Variants in MYH14 observed in about 807,000 individuals in gnomAD.
MYH14 encodes myosin-14.
A neutral mutation model predicts 255.5 loss-of-function variants in MYH14; 123 were observed. That is an observed-to-expected ratio of 0.48 (90% CI 0.42 to 0.56). The LOEUF (loss-of-function observed/expected upper bound fraction) is 0.56. MYH14 is among the 20% of genes least tolerant of loss of function. The probability of loss-of-function intolerance (pLI) is 0.00; values close to 1 mark genes in which losing one functional copy is unlikely to be tolerated. For missense variants in MYH14, 2,423 were observed against 2,802.3 expected, an observed-to-expected ratio of 0.86 and a Z score of 3.06; for synonymous variants, 1,095 against 1,161.2, an observed-to-expected ratio of 0.94 and a Z score of 1.16.
intron 12 of MYH14, 137 bp from the exon 13 acceptor site, chr19:50,248,850 T>C: frequency 1.3e-6 from 1 of 765,380 alleles, no homozygotes; most frequent in Non-Finnish European, 2.1e-6. Flanking sequence ...GGCATTGTTC[T>C]TGATGGTACT....
chr19:50,270,445 C>T (rs889608025), intron 24 of MYH14, among the ~76,000 whole-genome samples: 5 of 148,272 alleles, frequency 3.4e-5, no homozygotes, highest in African/African-American at 1.0e-4. Flanking sequence ...ACTTGAACCC[C>T]GGGAGGTGGA....
chr19:50,290,998 T>C lies in MYH14; in HGVS notation c.5077T>C (p.Ser1693Pro). ...ELEELKAQMA[S>P]AGQGKEEAVK... ...GGAGGAGCTGAAGGCTCAGATGGCC[T>C]CTGCCGGCCAGGGCAAGGAGGAGGC... Residue 1693 changes from serine to proline, a missense_variant, in exon 36 of 43, where the codon TCT becomes CCT. This residue lies in a region of MYH14 where 1,513 missense variants were observed against 1,674.8 expected (regional missense o/e 0.90). Coordinates refer to ENST00000642316, the MANE Select transcript of MYH14 (RefSeq NM_001145809.2). 1 of 1,612,020 alleles carries C rather than the reference T, an allele frequency of 6.2e-7. No individual in the cohort carries two copies. Among genetic ancestry groups the C allele is most frequent in the Non-Finnish European group, 8.5e-7 (1 of 1,179,400 alleles).
chr19:50,271,459 G>A lies in MYH14; in HGVS notation c.3084G>A (p.Gln1028=). Residue 1028 remains glutamine, a synonymous_variant, in exon 25 of 43, where the codon CAG becomes CAA. Coordinates refer to ENST00000642316, the MANE Select transcript of MYH14 (RefSeq NM_001145809.2). ...EAEEGARQKL[Q]LEKVTTEAKM... ...AGGAGGGTGCGCGGCAGAAGCTGCA[G>A]CTGGAGAAGGTGACGACAGAGGCAA... 6.2e-7 allele frequency: 1 copy of A among 1,608,164 alleles called. No individual in the cohort carries two copies. Among genetic ancestry groups the A allele is most frequent in the Non-Finnish European group, 8.5e-7 (1 of 1,177,452 alleles).
At chr19:50,220,218 C>T (rs1047490522) in intron 3 of MYH14, among the ~76,000 whole-genome samples, 3 of 151,668 alleles carry the variant, frequency 2.0e-5, no homozygotes, top group Non-Finnish European at 2.9e-5. Context: ...ACCTCAGGGC[C>T]TGAATATGAA....
At chr19:50,269,172 G>T (rs965660048) in intron 24 of MYH14, among the ~76,000 whole-genome samples, 1 of 152,056 alleles carries the variant, frequency 6.6e-6, no homozygotes, top group African/African-American at 2.4e-5. Flanking sequence ...GCTCAGTAAT[G>T]TTTTTTTGTT....
rs2034623177 is a variant in MYH14 at position 50,257,234 on chromosome 19, T to C, written c.2045-65T>C. ...TGATAAATGATAAGACCCTTGACCT[T>C]TGGCCCAGGTCCCTAAAACTGACCC... On this transcript the variant is annotated intron_variant, in intron 17 of 42. Coordinates refer to ENST00000642316, the MANE Select transcript of MYH14 (RefSeq NM_001145809.2). The C allele has an allele frequency of 5.1e-6, 7 of 1,381,476 alleles. No homozygotes were observed. The African/African-American group carries it at 7.1e-5, about 14-fold the overall frequency. 85.6% of individuals were successfully genotyped at this position (1,381,476 alleles called of 1,614,324 possible). A position where few individuals can be genotyped will look rare whatever the true frequency, so the allele number is the denominator to read the frequency against.
intron 10 of MYH14, among the ~76,000 whole-genome samples, chr19:50,237,715 G>A (rs1488778772): frequency 6.6e-6 from 1 of 152,220 alleles, no homozygotes; most frequent in East Asian, 1.9e-4. Flanking sequence ...TATACCTGGA[G>A]CACCTGTGTC....
chr19:50,298,423 C>T (rs1326626947), intron 39 of MYH14, among the ~76,000 whole-genome samples: 1 of 152,066 alleles, frequency 6.6e-6, no homozygotes, highest in Non-Finnish European at 1.5e-5. Flanking sequence ...CACATGCACA[C>T]ATGAAGTATA....
At chr19:50,272,026 A>G in intron 26 of MYH14, 54 bp downstream of exon 26, 1 of 1,581,552 alleles carries the variant, frequency 6.3e-7, no homozygotes, top group South Asian at 1.2e-5. Flanking sequence ...GGGGGACCTC[A>G]GGCAAGCCCC....
At chr19:50,253,569 C>T (rs909942209) in intron 16 of MYH14, among the ~76,000 whole-genome samples, 1 of 152,110 alleles carries the variant, frequency 6.6e-6, no homozygotes, top group African/African-American at 2.4e-5. Context: ...GTTCCCTTCA[C>T]GCCCCCAGGG....
rs528151716 is a variant in MYH14, at chr19:50,221,422, G to A, written c.563-1661G>A. 4.6e-5 allele frequency among the ~76,000 whole-genome samples: 7 copies of A among 152,114 alleles called. 1 individual carries two copies. Among genetic ancestry groups the A allele is most frequent in the African/African-American group, 1.7e-4 (7 of 41,492 alleles). On this transcript the variant is annotated intron_variant, in intron 3 of 42. Coordinates refer to ENST00000642316, the MANE Select transcript of MYH14 (RefSeq NM_001145809.2). This position sits in a 1 kb window ranked among gnomAD's most constrained non-coding sequence, Gnocchi z 5.3. ...CTCCCTGGCTTGAAGACACCCAGAG[G>A]ATGCCTGTCCTGCTTAAAAAAACAT...
chr19:50,276,193 C>A lies in MYH14; in HGVS notation c.3670C>A (p.Gln1224Lys). The A allele has an allele frequency of 6.5e-7, 1 of 1,542,748 alleles. No homozygotes were observed. Among genetic ancestry groups the A allele is most frequent in the Non-Finnish European group, 8.7e-7 (1 of 1,143,552 alleles). The change falls in exon 28 of 43, where the codon CAG (glutamine) becomes AAG (lysine). Residue 1224 changes from glutamine (Q) to lysine (K), a missense_variant. Physicochemically the swap from Gln to Lys is moderately conservative, Grantham distance 53. Coordinates refer to ENST00000642316, the MANE Select transcript of MYH14 (RefSeq NM_001145809.2). This position sits in a 1 kb window ranked among gnomAD's most constrained non-coding sequence, Gnocchi z 4.3. The part of the protein sequence containing the change: ...EDTLDSTNAQ[Q>K]ELRSKREQEV... ...CACGCTGGACTCCACCAACGCACAG[C>A]AGGAGCTCCGGTGAGGCCCGGTGGC...
intron 1 of MYH14, 82 bp from the exon 2 acceptor site, chr19:50,210,281 G>A (rs945994463): frequency 5.3e-6 from 7 of 1,326,380 alleles, no homozygotes; most frequent in Non-Finnish European, 7.1e-6. Context: ...AGAGGTGGCT[G>A]CCTGGGGAAT....
intron 41 of MYH14, chr19:50,308,193 G>C (rs1293719003): frequency 6.6e-6 from 1 of 152,210 alleles, no homozygotes; most frequent in Non-Finnish European, 1.5e-5. Context: ...CAGTCAGAGG[G>C]AACAGCAAGT....
chr19:50,304,755 A>G (rs568372022), intron 40 of MYH14, among the ~76,000 whole-genome samples: 3 of 152,322 alleles, frequency 2.0e-5, no homozygotes, highest in South Asian at 4.1e-4. Flanking sequence ...ATGAAGGCCT[A>G]TGAACTAGAA....
chr19:50,230,436 G>A lies in MYH14; in HGVS notation c.875-89G>A. On this transcript the variant is annotated intron_variant, in intron 8 of 42. Coordinates refer to ENST00000642316, the MANE Select transcript of MYH14 (RefSeq NM_001145809.2). This position sits in a 1 kb window ranked among gnomAD's most constrained non-coding sequence, Gnocchi z 4.7. ...CTCCACTACACCACAGGAGAGAAGG[G>A]GGCAGCGTGGGCAGGGCAGGCTCCT... 1 of 1,144,550 alleles carries A rather than the reference G, an allele frequency of 8.7e-7. No homozygotes were observed. The highest frequency in any genetic ancestry group is 2.8e-4 in the Middle Eastern group (1 of 3,632). The allele number at this position is 1,144,550 out of a possible 1,614,324, so 70.9% of individuals were successfully genotyped here.
intron 2 of MYH14, among the ~76,000 whole-genome samples, chr19:50,212,195 C>T (rs932646619): frequency 1.5e-4 from 23 of 152,106 alleles, no homozygotes; most frequent in Middle Eastern, 3.2e-3. Flanking sequence ...ATACCAGTGA[C>T]GGAGCCCCAC....
intron 34 of MYH14, 88 bp downstream of exon 34, chr19:50,286,782 C>T (rs2035906777): frequency 4.7e-6 from 6 of 1,270,636 alleles, no homozygotes; most frequent in Non-Finnish European, 6.6e-6. Flanking sequence ...ACATGAAAAA[C>T]AACCAGCCAT....
intron 22 of MYH14, among the ~76,000 whole-genome samples, chr19:50,265,684 G>C (rs1470152158): frequency 2.0e-5 from 3 of 151,828 alleles, no homozygotes; most frequent in African/African-American, 7.3e-5. Flanking sequence ...AGCTGGATGT[G>C]GTGTCAGGCA....
Sources: allele counts gnomAD v4.1 joint callset (sites outside exome capture counted in the v4.1 genomes callset), GRCh38; gene constraint gnomAD v4.1.1; regional missense constraint gnomAD v4.1.1; non-coding constraint Gnocchi (gnomAD v3.1); transcripts MANE v1.5; gene names NCBI Gene and HGNC (gene_info 2026-07-23, HGNC 2026-07-21).